The following CTXN2 variants were observed in gnomAD, a reference collection of about 807,000 sequenced individuals.
CTXN2 encodes the protein cortexin 2.
CTXN2 carries 3 observed loss-of-function variants against 5.7 expected under a neutral mutation model. The observed-to-expected ratio is 0.53, with a 90% CI of 0.24 to 1.36. The LOEUF (loss-of-function observed/expected upper bound fraction) is 1.36, where lower values mean the gene tolerates loss of function less well. Ranked by LOEUF, CTXN2 falls within the 40% of genes most tolerant of loss-of-function variation. The pLI, the probability that CTXN2 is intolerant of heterozygous loss-of-function variation, is 0.17. For synonymous variants in CTXN2, 38 were observed against 36.4 expected (o/e 1.04, Z -0.16); for missense variants, 87 against 93.0 (o/e 0.94, Z 0.26).
intron 1 of CTXN2, among the ~76,000 whole-genome samples, chr15:48,193,637 G>T (rs192881037): frequency 2.6e-5 from 4 of 152,042 alleles, no homozygotes; most frequent in Admixed American, 6.6e-5. Flanking sequence ...CCAGCTTTTA[G>T]AGAAAGTGAA....
chr15:48,186,652 G>A (rs142595469), intron 1 of CTXN2, among the ~76,000 whole-genome samples: 2,025 of 152,172 alleles, frequency 0.013, 41 homozygotes, highest in African/African-American at 0.047. Flanking sequence ...TGTAATCCCA[G>A]CATTTTGGGA....
intron 1 of CTXN2, among the ~76,000 whole-genome samples, chr15:48,196,745 A>T (rs1174899329): frequency 5.3e-5 from 8 of 152,144 alleles, no homozygotes; most frequent in African/African-American, 1.9e-4. Context: ...AATATTGACA[A>T]ATTACTTGTT....
intron 1 of CTXN2, among the ~76,000 whole-genome samples, chr15:48,184,084 C>G (rs1443452161): frequency 6.6e-6 from 1 of 152,114 alleles, no homozygotes; most frequent in Non-Finnish European, 1.5e-5. Flanking sequence ...ACATTTTCTC[C>G]TCAAAAATCT....
chr15:48,199,383 C>G (rs547484595), intron 1 of CTXN2, among the ~76,000 whole-genome samples: 2 of 152,216 alleles, frequency 1.3e-5, no homozygotes, highest in East Asian at 3.9e-4. Flanking sequence ...AGCGTCCATC[C>G]ATAAACCATG....
At chr15:48,190,615 T>C (rs1482777026), upstream of CTXN2, among the ~76,000 whole-genome samples, 1 of 152,088 alleles carries the variant, frequency 6.6e-6, no homozygotes, top group Non-Finnish European at 1.5e-5. Context: ...AAGTATTTTC[T>C]TTAGATGAGT....
chr15:48,197,853 C>A (rs1171025669), intron 1 of CTXN2, among the ~76,000 whole-genome samples: 2 of 152,128 alleles, frequency 1.3e-5, no homozygotes, highest in Admixed American at 1.3e-4. Context: ...CATATCTACT[C>A]ATTCTTTATG....
chr15:48,200,106 C>A (rs1170138205), intron 1 of CTXN2, among the ~76,000 whole-genome samples: 3 of 152,030 alleles, frequency 2.0e-5, no homozygotes, highest in Non-Finnish European at 2.9e-5. Flanking sequence ...TCAGTTGTTT[C>A]CTGAAAATTA....
chr15:48,187,405 T>C (rs2040768437), upstream of CTXN2, among the ~76,000 whole-genome samples: 1 of 149,438 alleles, frequency 6.7e-6, no homozygotes, highest in Non-Finnish European at 1.5e-5. Context: ...TTGAAAGATA[T>C]GCTACCCAAT....
In CTXN2 at chr15:48,191,782, C is replaced by G. The variant is rs1394499173; in HGVS notation, c.-129C>G. ...CTACATTTGTTACTGAACCGATCAGCGAACACAGACAAACGTGCCAACACT... is the reference window on the plus strand; with the variant it reads ...CTACATTTGTTACTGAACCGATCAGGGAACACAGACAAACGTGCCAACACT... On this transcript the variant is annotated 5_prime_UTR_variant, in exon 1 of 2. Transcript: ENST00000417307. The G allele has an allele frequency of 2.2e-6, 1 of 455,904 alleles. No homozygotes were observed. Among genetic ancestry groups the G allele is most frequent in the Non-Finnish European group, 4.4e-6 (1 of 226,804 alleles). The allele number at this position is 455,904 out of a possible 1,614,324, so 28.2% of individuals were successfully genotyped here. A position where few individuals can be genotyped will look rare whatever the true frequency, so the allele number is the denominator to read the frequency against.
intron 1 of CTXN2, among the ~76,000 whole-genome samples, chr15:48,181,398 C>A (rs577875528): frequency 5.3e-5 from 8 of 152,174 alleles, no homozygotes; most frequent in African/African-American, 1.9e-4. Flanking sequence ...AAAAAAGGGA[C>A]CTATCCAGAA....
chr15:48,180,826 TG>T (rs2040696162), intron 1 of CTXN2, among the ~76,000 whole-genome samples: 1 of 152,216 alleles, frequency 6.6e-6, no homozygotes, highest in Admixed American at 6.5e-5. Context: ...TTTTGTTTTT[TG>T]TTTGTTTGTT....
intron 1 of CTXN2, among the ~76,000 whole-genome samples, chr15:48,197,204 T>G (rs539230523): frequency 6.6e-6 from 1 of 152,110 alleles, no homozygotes; most frequent in East Asian, 1.9e-4. Flanking sequence ...CCTCAAAGCC[T>G]TTGTAAAGGC....
At chr15:48,179,434 CACAA>C (rs2040669995) in intron 1 of CTXN2, among the ~76,000 whole-genome samples, 1 of 151,702 alleles carries the variant, frequency 6.6e-6, no homozygotes, top group South Asian at 2.1e-4. Context: ...CACACACATA[CACAA>C]ACACACACAC....
intron 1 of CTXN2, among the ~76,000 whole-genome samples, chr15:48,194,495 ATG>A (rs1308732295): frequency 6.6e-6 from 1 of 152,124 alleles, no homozygotes; most frequent in Non-Finnish European, 1.5e-5. Flanking sequence ...ATAATTCTGA[ATG>A]CCAACCATAA....
chr15:48,187,119 G>A (rs1323254926), upstream of CTXN2, among the ~76,000 whole-genome samples: 1 of 151,700 alleles, frequency 6.6e-6, no homozygotes, highest in Non-Finnish European at 1.5e-5. Flanking sequence ...TAGGAAGAGG[G>A]CATATCTTTC....
intron 1 of CTXN2, among the ~76,000 whole-genome samples, chr15:48,180,790 G>A (rs958218216): frequency 6.6e-6 from 1 of 152,232 alleles, no homozygotes; most frequent in Non-Finnish European, 1.5e-5. Context: ...GATTACAGGC[G>A]TGAGCCAGAG....
chr15:48,199,579 G>C (rs2040911399), intron 1 of CTXN2, among the ~76,000 whole-genome samples: 1 of 152,126 alleles, frequency 6.6e-6, no homozygotes, highest in Non-Finnish European at 1.5e-5. Flanking sequence ...GATCCAGTGA[G>C]TATATGGATC....
At chr15:48,196,160 T>C (rs934445741) in intron 1 of CTXN2, among the ~76,000 whole-genome samples, 5 of 152,130 alleles carry the variant, frequency 3.3e-5, no homozygotes, top group Non-Finnish European at 7.4e-5. Context: ...CAGGCTAACT[T>C]GACTAATTGC....
upstream of CTXN2, among the ~76,000 whole-genome samples, chr15:48,186,900 ACT>A (rs2040762142): frequency 7.1e-6 from 1 of 141,726 alleles, no homozygotes; most frequent in Non-Finnish European, 1.5e-5. Context: ...ACAGAGGGAG[ACT>A]CCATCTCAAA....
Sources: gnomAD v4.1 joint callset for allele counts (sites outside exome capture counted in the v4.1 genomes callset) on GRCh38, gnomAD v4.1.1 for gene constraint, MANE v1.5 for transcripts, NCBI Gene and HGNC (gene_info 2026-07-23, HGNC 2026-07-21) for gene names.